SASH1: variants seen among roughly 807,000 people sequenced by gnomAD.
The protein encoded by SASH1 is SAM and SH3 domain containing 1.
In SASH1, 44 loss-of-function variants were observed where a neutral mutation model predicts 125.2. The observed-to-expected ratio is 0.35, with a 90% CI of 0.28 to 0.45. The LOEUF (loss-of-function observed/expected upper bound fraction) is 0.45. Among genes scored for constraint, SASH1 ranks in the 20% least tolerant of loss-of-function variants. The probability of loss-of-function intolerance (pLI) is 1.00; values close to 1 mark genes in which losing one functional copy is unlikely to be tolerated. For missense variants in SASH1, 1,426 were observed against 1,614.5 expected (o/e 0.88, Z 2.00); for synonymous variants, 639 against 649.1 (o/e 0.98, Z 0.24).
chr6:148,352,903 G>A (rs1023769682), intron 1 of SASH1, among the ~76,000 whole-genome samples: 2 of 152,114 alleles, frequency 1.3e-5, no homozygotes, highest in African/African-American at 4.8e-5. Context: ...CTGGGAGGTG[G>A]AGGTTGCAGT....
the SASH1 span, among the ~76,000 whole-genome samples, chr6:148,246,577 T>C: frequency 6.6e-6 from 1 of 152,228 alleles, no homozygotes; most frequent in Non-Finnish European, 1.5e-5. Flanking sequence ...TCAATCCTCC[T>C]AAATATTTGC....
chr6:148,397,912 G>A (rs1282994380), intron 2 of SASH1, among the ~76,000 whole-genome samples: 2 of 152,184 alleles, frequency 1.3e-5, no homozygotes, highest in African/African-American at 4.8e-5. Flanking sequence ...GTAGGGGTGT[G>A]AGGCAAGTAA....
chr6:148,427,040 G>T (rs148204442), intron 2 of SASH1, among the ~76,000 whole-genome samples: 1 of 152,260 alleles, frequency 6.6e-6, no homozygotes, highest in African/African-American at 2.4e-5. Flanking sequence ...TACTCGGGTG[G>T]CTGAGGCAGG....
intron 2 of SASH1, among the ~76,000 whole-genome samples, chr6:148,409,120 G>A (rs1379066432): frequency 1.3e-5 from 2 of 152,034 alleles, no homozygotes; most frequent in Non-Finnish European, 2.9e-5. Flanking sequence ...TTCTCATGTC[G>A]TGTCTGTGCT....
At chr6:148,227,919 A>G in the SASH1 span, among the ~76,000 whole-genome samples, 1 of 152,186 alleles carries the variant, frequency 6.6e-6, no homozygotes. Flanking sequence ...TCAGGATAGA[A>G]AAACACAGCT....
intron 7 of SASH1, among the ~76,000 whole-genome samples, chr6:148,487,129 ATGTG>A (rs1554263545): frequency 6.8e-6 from 1 of 146,378 alleles, no homozygotes; most frequent in African/African-American, 2.5e-5. Context: ...ATATATATAT[ATGTG>A]TATGTTTCAG....
At chr6:148,251,706 A>C in the SASH1 span, among the ~76,000 whole-genome samples, 1 of 151,764 alleles carries the variant, frequency 6.6e-6, no homozygotes, top group African/African-American at 2.4e-5. Context: ...ATTATACTTT[A>C]AGTTTTAGGG....
At chr6:148,349,248 C>CTTTTTTTTTTTTTTT (rs1781627053) in intron 1 of SASH1, among the ~76,000 whole-genome samples, 1 of 66,246 alleles carries the variant, frequency 1.5e-5, no homozygotes, top group Non-Finnish European at 2.7e-5. Context: ...TTTCTTCTTT[C>CTTTTTTTTTTTTTTT]TTTCTTTTTT....
intron 8 of SASH1, among the ~76,000 whole-genome samples, chr6:148,494,708 A>G (rs1779246067): frequency 6.6e-6 from 1 of 152,152 alleles, no homozygotes; most frequent in Non-Finnish European, 1.5e-5. Flanking sequence ...CCTTACCTCC[A>G]TGTGTGCACT....
At chr6:148,423,307 A>T (rs1162175857) in intron 2 of SASH1, among the ~76,000 whole-genome samples, 1 of 152,226 alleles carries the variant, frequency 6.6e-6, no homozygotes, top group Non-Finnish European at 1.5e-5. Context: ...TTTTAAAAGC[A>T]AATTTGTGGC....
chr6:148,226,625 T>C, the SASH1 span, among the ~76,000 whole-genome samples: 2 of 152,150 alleles, frequency 1.3e-5, no homozygotes, highest in Non-Finnish European at 2.9e-5. Context: ...TCATCAAGAA[T>C]ATAGTTTTCT....
chr6:148,296,357 C>G (rs561127917), intron 1 of SASH1, among the ~76,000 whole-genome samples: 1 of 152,282 alleles, frequency 6.6e-6, no homozygotes, highest in African/African-American at 2.4e-5. Context: ...AACTCCTGAC[C>G]TCAAGTGATC....
At chr6:148,482,228 T>C (rs1279534053) in intron 7 of SASH1, among the ~76,000 whole-genome samples, 2 of 152,240 alleles carry the variant, frequency 1.3e-5, no homozygotes, top group Non-Finnish European at 2.9e-5. Flanking sequence ...ATGAGTGATA[T>C]TGTAGAAAAA....
intron 8 of SASH1, chr6:148,509,404 G>T: frequency 6.3e-6 from 1 of 158,394 alleles, no homozygotes. Flanking sequence ...GTTACGTGGC[G>T]CTGGGGGAGA....
intron 7 of SASH1, among the ~76,000 whole-genome samples, chr6:148,487,129 A>ATATATG (rs1179220015): frequency 2.0e-5 from 3 of 146,378 alleles, no homozygotes; most frequent in East Asian, 2.0e-4. Context: ...ATATATATAT[A>ATATATG]TGTGTATGTT....
chr6:148,249,785 A>G, the SASH1 span, among the ~76,000 whole-genome samples: 1 of 152,206 alleles, frequency 6.6e-6, no homozygotes, highest in Non-Finnish European at 1.5e-5. Context: ...CAAATGAGGA[A>G]AACAGACAAA....
rs117228071 is a variant in SASH1 at position 148,495,649 on chromosome 6, A to C, written c.729+7934A>C. ...TCTGCTCCCACCTATAAATATTCCCAGCAATCTAAAAAAATGTGTACAATT... is the reference window on the plus strand; with the variant it reads ...TCTGCTCCCACCTATAAATATTCCCCGCAATCTAAAAAAATGTGTACAATT... On this transcript the variant is annotated intron_variant, in intron 8 of 19. Coordinates refer to ENST00000367467, the MANE Select transcript of SASH1 (RefSeq NM_015278.5). This position sits in a 1 kb window ranked among gnomAD's most constrained non-coding sequence, Gnocchi z 4.0. Among the ~76,000 whole-genome samples, 4,318 of 152,314 alleles carry C rather than the reference A, an allele frequency of 0.028. 77 individuals carry two copies. The highest frequency in any genetic ancestry group is 0.044 in the Non-Finnish European group (3,020 of 68,028).
chr6:148,453,140 C>T (rs565728686), intron 4 of SASH1, among the ~76,000 whole-genome samples: 12 of 152,282 alleles, frequency 7.9e-5, no homozygotes, highest in Admixed American at 5.9e-4. Context: ...CCAGCCGACC[C>T]GGACACAGCT....
chr6:148,302,843 T>TATAC (rs1399142875), intron 1 of SASH1, among the ~76,000 whole-genome samples: 174 of 138,160 alleles, frequency 1.3e-3, no homozygotes, highest in Middle Eastern at 7.8e-3. Flanking sequence ...TATATATATA[T>TATAC]ACACACACAC....
Sources: allele counts gnomAD v4.1 joint callset (sites outside exome capture counted in the v4.1 genomes callset), GRCh38; gene constraint gnomAD v4.1.1; non-coding constraint Gnocchi (gnomAD v3.1); transcripts MANE v1.5; gene names NCBI Gene and HGNC (gene_info 2026-07-23, HGNC 2026-07-21).